DPP6: variants seen among roughly 807,000 people sequenced by gnomAD.
DPP6 encodes A-type potassium channel modulatory protein DPP6.
DPP6 carries 69 observed loss-of-function variants against 122.6 expected under a neutral mutation model. That is an observed-to-expected ratio of 0.56 (90% confidence interval 0.46 to 0.69). The LOEUF is 0.69. Ranked by LOEUF, DPP6 falls within the 30% of genes least tolerant of loss-of-function variation. The pLI, the probability that DPP6 is intolerant of heterozygous loss-of-function variation, is 0.00. For synonymous variants in DPP6, 418 were observed against 433.1 expected, an observed-to-expected ratio of 0.97 and a Z score of 0.43; for missense variants, 928 against 1,116.9, an observed-to-expected ratio of 0.83 and a Z score of 2.41.
the DPP6 span, among the ~76,000 whole-genome samples, chr7:153,772,781 CAAA>C: frequency 6.7e-6 from 1 of 148,376 alleles, no homozygotes; most frequent in East Asian, 1.9e-4. Flanking sequence ...ATCATTAACA[CAAA>C]GAAGCTGGAG....
chr7:153,877,662 A>G, the DPP6 span, among the ~76,000 whole-genome samples: 17 of 152,332 alleles, frequency 1.1e-4, 1 homozygote, highest in Admixed American at 9.8e-4. Flanking sequence ...AATAGTACGT[A>G]TGACCAATCT....
At chr7:154,881,038 G>T in intron 21 of DPP6, 96 bp downstream of exon 21, 2 of 1,435,368 alleles carry the variant, frequency 1.4e-6, no homozygotes, top group Non-Finnish European at 1.8e-6. Flanking sequence ...AACGTCTGTG[G>T]TCTGCTGGTG....
intron 7 of DPP6, among the ~76,000 whole-genome samples, chr7:154,681,032 C>T (rs924646110): frequency 9.2e-5 from 14 of 151,892 alleles, no homozygotes; most frequent in African/African-American, 2.4e-4. Flanking sequence ...TATACACTTA[C>T]GGGATACAAG....
At chr7:154,430,501 T>C (rs1010878679) in intron 1 of DPP6, among the ~76,000 whole-genome samples, 2 of 152,192 alleles carry the variant, frequency 1.3e-5, no homozygotes, top group Non-Finnish European at 2.9e-5. Context: ...TGAGTCTCCT[T>C]AGAAGGGCAC....
At chr7:154,278,599 G>A (rs1804290926) in intron 1 of DPP6, among the ~76,000 whole-genome samples, 2 of 152,246 alleles carry the variant, frequency 1.3e-5, no homozygotes, top group Admixed American at 1.3e-4. Flanking sequence ...TTTAACAGTT[G>A]TTCTAGAACT....
At chr7:154,639,239 C>A (rs112241793) in intron 6 of DPP6, among the ~76,000 whole-genome samples, 2,603 of 152,290 alleles carry the variant, frequency 0.017, 31 homozygotes, top group Middle Eastern at 0.048. Context: ...CCAATAGTTT[C>A]TGTTAGATTA....
intron 1 of DPP6, among the ~76,000 whole-genome samples, chr7:153,902,410 G>T (rs995228765): frequency 1.3e-5 from 2 of 152,104 alleles, no homozygotes; most frequent in African/African-American, 4.8e-5. Flanking sequence ...GGAGACAGGG[G>T]TTCTGTCTCC....
At chr7:154,572,535 T>TTTTTTC (rs1831188514) in intron 5 of DPP6, among the ~76,000 whole-genome samples, 1 of 121,804 alleles carries the variant, frequency 8.2e-6, no homozygotes, top group Non-Finnish European at 1.7e-5. Context: ...TTTTTTTTTT[T>TTTTTTC]TGGTGGTGTC....
chr7:154,199,768 C>T (rs1799070938), intron 1 of DPP6, among the ~76,000 whole-genome samples: 1 of 152,084 alleles, frequency 6.6e-6, no homozygotes, highest in African/African-American at 2.4e-5. Context: ...CACCACCATG[C>T]CCAGCTTTTT....
At chr7:153,826,813 T>A in the DPP6 span, among the ~76,000 whole-genome samples, 1 of 152,030 alleles carries the variant, frequency 6.6e-6, no homozygotes, top group Non-Finnish European at 1.5e-5. Context: ...TCTCTGCTGA[T>A]CTTTGCTTAA....
chr7:154,219,779 G>A (rs564425246), intron 1 of DPP6, among the ~76,000 whole-genome samples: 1 of 152,080 alleles, frequency 6.6e-6, no homozygotes, highest in Non-Finnish European at 1.5e-5. Flanking sequence ...TAGAGACATG[G>A]TTTCACCATG....
intron 2 of DPP6, among the ~76,000 whole-genome samples, chr7:154,467,916 C>T (rs901726788): frequency 6.6e-6 from 1 of 152,150 alleles, no homozygotes; most frequent in African/African-American, 2.4e-5. Context: ...TGAATACTTA[C>T]CTTTTGATCT....
chr7:154,448,517 A>G (rs376651517), intron 2 of DPP6, among the ~76,000 whole-genome samples: 4 of 152,324 alleles, frequency 2.6e-5, no homozygotes, highest in African/African-American at 9.6e-5. Flanking sequence ...ACTGATGTGC[A>G]GATTCAACCA....
At chr7:154,167,563 C>G (rs998568650) in intron 1 of DPP6, among the ~76,000 whole-genome samples, 1 of 152,204 alleles carries the variant, frequency 6.6e-6, no homozygotes, top group African/African-American at 2.4e-5. Context: ...TTTGCGTACG[C>G]ATTTTACAGC....
chr7:154,522,596 C>T (rs1262609166), intron 3 of DPP6, among the ~76,000 whole-genome samples: 1 of 152,170 alleles, frequency 6.6e-6, no homozygotes, highest in African/African-American at 2.4e-5. Flanking sequence ...TACTAGAAAA[C>T]TTGCTCTTTT....
At chr7:154,827,441 GAGC>G (rs1434535329) in intron 16 of DPP6, among the ~76,000 whole-genome samples, 1 of 152,054 alleles carries the variant, frequency 6.6e-6, no homozygotes, top group Non-Finnish European at 1.5e-5. Context: ...TGGGCTGCCT[GAGC>G]TCAAGCCAGG....
At chr7:153,998,604 AG>A (rs1797550025) in intron 1 of DPP6, among the ~76,000 whole-genome samples, 1 of 152,356 alleles carries the variant, frequency 6.6e-6, no homozygotes, top group East Asian at 1.9e-4. Flanking sequence ...TGCACATCAG[AG>A]GAAACCAACT....
At chr7:153,880,934 AAC>A in the DPP6 span, among the ~76,000 whole-genome samples, 257 of 152,352 alleles carry the variant, frequency 1.7e-3, no homozygotes, top group Non-Finnish European at 2.6e-3. Context: ...TGCCAAAGAT[AAC>A]AGTCTTTTAA....
intron 1 of DPP6, among the ~76,000 whole-genome samples, chr7:154,083,760 A>G (rs1384888494): frequency 6.6e-6 from 1 of 150,954 alleles, no homozygotes; most frequent in Non-Finnish European, 1.5e-5. Flanking sequence ...CCCAGGTTCC[A>G]TGCAGTGCCT....
Sources: gnomAD v4.1 joint callset for allele counts (sites outside exome capture counted in the v4.1 genomes callset) on GRCh38, gnomAD v4.1.1 for gene constraint, MANE v1.5 for transcripts, NCBI Gene and HGNC (gene_info 2026-07-23, HGNC 2026-07-21) for gene names.